The following EFCC1 variants were observed in gnomAD, a reference collection of about 807,000 sequenced individuals.
EFCC1 encodes the protein EF-hand and coiled-coil domain-containing protein 1.
Under a neutral mutation model 52.1 loss-of-function variants are expected in EFCC1, and 50 were observed. That is an observed-to-expected ratio of 0.96 (90% confidence interval 0.76 to 1.21). The LOEUF (loss-of-function observed/expected upper bound fraction) is 1.21. Ranked by LOEUF, EFCC1 falls within the 50% of genes most tolerant of loss-of-function variation. EFCC1 has a pLI of 0.00. For missense variants in EFCC1, 837 were observed against 867.3 expected, an observed-to-expected ratio of 0.97 and a Z score of 0.44; for synonymous variants, 399 against 396.5, an observed-to-expected ratio of 1.01 and a Z score of -0.08.
chr3:129,029,790 G>A (rs1176016290), intron 2 of EFCC1, among the ~76,000 whole-genome samples: 2 of 151,268 alleles, frequency 1.3e-5, no homozygotes, highest in Non-Finnish European at 2.9e-5. Context: ...TCACCATGTT[G>A]GCCAGGCTGG....
chr3:129,016,181 C>G (rs1478644119), intron 2 of EFCC1, among the ~76,000 whole-genome samples: 1 of 152,278 alleles, frequency 6.6e-6, no homozygotes, highest in East Asian at 1.9e-4. Context: ...GCAAGTTAAC[C>G]GGTCAAACAC....
chr3:129,023,701 TATA>T (rs1945970938), intron 2 of EFCC1, among the ~76,000 whole-genome samples: 1 of 152,206 alleles, frequency 6.6e-6, no homozygotes, highest in African/African-American at 2.4e-5. Context: ...CATTATTGGT[TATA>T]ATATTTACCA....
At chr3:129,034,964 G>A (rs1946337449) in intron 5 of EFCC1, among the ~76,000 whole-genome samples, 1 of 151,962 alleles carries the variant, frequency 6.6e-6, no homozygotes, top group African/African-American at 2.4e-5. Context: ...GAGGGAAAGG[G>A]GGGCCGAGCA....
chr3:129,001,741 A>C lies in EFCC1; in HGVS notation c.113A>C (p.Tyr38Ser). The C allele has an allele frequency of 6.5e-7, 1 of 1,536,834 alleles. No individual in the cohort carries two copies. The highest frequency in any genetic ancestry group is 8.7e-7 in the Non-Finnish European group (1 of 1,143,534). The change falls in exon 1 of 8, where the codon TAC becomes TCC. Residue 38 changes from tyrosine to serine, a missense_variant. Transcript: ENST00000683648. ...CTGCTGAGCGCCCTGGCGCACCACT[A>C]CGGGCTGGACCGCGGCGTGGAGAAC... ...QWLLSALAHH[Y>S]GLDRGVENEI...
Position 129,032,969 on chromosome 3 carries a change from G to GC in EFCC1, c.1286+3_1286+4insC. On this transcript the variant is annotated splice_donor_region_variant and intron_variant, in intron 4 of 7. Transcript: ENST00000683648. ...CGGCTCTCCAGCTGCAGAGGCAGGT[G>GC]TGTGGCCCGTCCAGCGTCAGCCACT... The GC allele has an allele frequency of 6.5e-7, 1 of 1,535,086 alleles. No individual in the cohort carries two copies. The highest frequency in any genetic ancestry group is 8.8e-7 in the Non-Finnish European group (1 of 1,137,870).
At chr3:129,035,855 C>T (rs577218551) in intron 5 of EFCC1, among the ~76,000 whole-genome samples, 1 of 152,328 alleles carries the variant, frequency 6.6e-6, no homozygotes, top group Non-Finnish European at 1.5e-5. Flanking sequence ...TTCTGTGCCT[C>T]GGTTTCCTCA....
At chr3:129,012,724 G>T (rs2107884891) in intron 2 of EFCC1, among the ~76,000 whole-genome samples, 1 of 152,310 alleles carries the variant, frequency 6.6e-6, no homozygotes, top group Admixed American at 6.5e-5. Flanking sequence ...CCAAAACGAA[G>T]GTTGGTGCTG....
chr3:129,036,363 A>G (rs1217427380), intron 5 of EFCC1, among the ~76,000 whole-genome samples: 18 of 152,228 alleles, frequency 1.2e-4, no homozygotes, highest in Admixed American at 1.2e-3. Flanking sequence ...TGCCAGGGGA[A>G]GGGAATGCCT....
At chr3:129,002,451 C>T in intron 1 of EFCC1, 127 bp downstream of exon 1, 2 of 1,389,580 alleles carry the variant, frequency 1.4e-6, no homozygotes, top group Non-Finnish European at 1.9e-6. Flanking sequence ...CCCACACCAT[C>T]CCACTCCGCA....
At chr3:129,013,392 A>G (rs1012413190) in intron 2 of EFCC1, among the ~76,000 whole-genome samples, 3 of 152,180 alleles carry the variant, frequency 2.0e-5, no homozygotes, top group Non-Finnish European at 4.4e-5. Flanking sequence ...TTTATCAACT[A>G]AAAATCTCAA....
At position 129,024,525 on chromosome 3, in the gene EFCC1, C is replaced by T. The variant is rs1485114965; in HGVS notation, c.981-6178C>T. 1.5e-4 allele frequency among the ~76,000 whole-genome samples: 23 copies of T among 148,498 alleles called. 1 individual carries two copies. The highest frequency in any genetic ancestry group is 5.0e-4 in the African/African-American group (20 of 40,172). ...CAGCCTGGGTGACAGAGCAAGACTC[C>T]GTCGCAAAAAAAAAGAAAAAAAAAA... On this transcript the variant is annotated intron_variant, in intron 2 of 7. Transcript: ENST00000683648.
Position 129,001,748 on chromosome 3 carries a change from G to A in EFCC1, c.120G>A (p.Leu40=), listed in dbSNP as rs1576683268. 9.1e-6 allele frequency: 14 copies of A among 1,541,020 alleles called. No homozygotes were observed. Among genetic ancestry groups the A allele is most frequent in the Non-Finnish European group, 1.0e-5 (12 of 1,145,048 alleles). Residue 40 remains leucine (L), a synonymous_variant, in exon 1 of 8, where the codon CTG becomes CTA. Coordinates refer to ENST00000683648, the MANE Select transcript of EFCC1 (RefSeq NM_001377500.1). ...GCGCCCTGGCGCACCACTACGGGCT[G>A]GACCGCGGCGTGGAGAACGAGATCG... ...LLSALAHHYG[L]DRGVENEIVV...
chr3:129,037,300 G>C (rs1036126185), intron 6 of EFCC1, among the ~76,000 whole-genome samples, 183 bp downstream of exon 6: 5 of 152,212 alleles, frequency 3.3e-5, no homozygotes, highest in Non-Finnish European at 7.3e-5. Context: ...GGGCTCCCCA[G>C]GTCATTTTAA....
At chr3:129,028,647 T>C (rs1559973001) in intron 2 of EFCC1, among the ~76,000 whole-genome samples, 1 of 144,568 alleles carries the variant, frequency 6.9e-6, no homozygotes, top group Non-Finnish European at 1.5e-5. Context: ...TTTTCTTTTT[T>C]TTTTCTTTTC....
At position 129,036,919 on chromosome 3, in the gene EFCC1, C is replaced by G. The variant is rs558262477; in HGVS notation, c.1453-58C>G. 7.5e-5 allele frequency: 120 copies of G among 1,610,564 alleles called. No individual in the cohort carries two copies. The Middle Eastern group carries it at 1.2e-3, about 16-fold the overall frequency. On this transcript the variant is annotated intron_variant, in intron 5 of 7. Coordinates refer to ENST00000683648, the MANE Select transcript of EFCC1 (RefSeq NM_001377500.1). ...CGGGGAGATGGAGTAGTTGATCCTGCCACCTGGAAGGCTGGGAGAGGCCAG... is the reference window on the plus strand; with the variant it reads ...CGGGGAGATGGAGTAGTTGATCCTGGCACCTGGAAGGCTGGGAGAGGCCAG...
At chr3:129,029,160 T>C (rs1946215512) in intron 2 of EFCC1, among the ~76,000 whole-genome samples, 1 of 152,178 alleles carries the variant, frequency 6.6e-6, no homozygotes, top group South Asian at 2.1e-4. Flanking sequence ...TGCTTCATAT[T>C]GGGTTCTATC....
At position 129,032,945 on chromosome 3, in the gene EFCC1, G is replaced by A. The variant is rs879753436; in HGVS notation, c.1265G>A (p.Arg422Gln). 1.1e-5 allele frequency: 17 copies of A among 1,546,064 alleles called. No homozygotes were observed. The highest frequency in any genetic ancestry group is 4.9e-5 in the East Asian group (2 of 40,800). ...PAAEAKTLLA[R>Q]LSSCRGRCDD... ...GCCGAGGCCAAGACACTGCTGGCCC[G>A]GCTCTCCAGCTGCAGAGGCAGGTGT... Residue 422 changes from arginine to glutamine, a missense_variant, in exon 4 of 8, where the codon CGG becomes CAG. Transcript: ENST00000683648.
Position 129,002,316 on chromosome 3 carries a change from G to A in EFCC1, c.688G>A (p.Ala230Thr). 1 of 1,522,144 alleles carries A rather than the reference G, an allele frequency of 6.6e-7. No individual in the cohort carries two copies. Among genetic ancestry groups the A allele is most frequent in the Non-Finnish European group, 8.8e-7 (1 of 1,141,892 alleles). 94.3% of individuals were successfully genotyped at this position (1,522,144 alleles called of 1,614,324 possible). ...ALQSSDARCL[A>T]LQVGLWKSQA... Reference sequence around the variant, plus strand: ...GCAGAGCAGTGATGCGCGCTGCCTAGCACTGCAGGTGCGCGCCGGCCACGA... The same window carrying A: ...GCAGAGCAGTGATGCGCGCTGCCTAACACTGCAGGTGCGCGCCGGCCACGA... Residue 230 changes from alanine to threonine, a missense_variant, in exon 1 of 8, where the codon GCA becomes ACA. Ala to Thr is a moderately conservative substitution (Grantham distance 58). Transcript: ENST00000683648.
In EFCC1 at chr3:129,002,198, C is replaced by T. The variant is rs1303966467; in HGVS notation, c.570C>T (p.Gly190=). The T allele has an allele frequency of 1.3e-6, 2 of 1,509,964 alleles. No homozygotes were observed. The highest frequency in any genetic ancestry group is 2.7e-5 in the East Asian group (1 of 37,278). The allele number at this position is 1,509,964 out of a possible 1,614,324, so 93.5% of individuals were successfully genotyped here. Residue 190 remains glycine, a synonymous_variant, in exon 1 of 8, where the codon GGC becomes GGT. Transcript: ENST00000683648. ...GCCGCCGCCCGCCCTGCGCGCCTGG[C>T]CCCGACAGCGGTCCTGACTGTGAGC... ...RRRRRPPCAP[G]PDSGPDCERV...
Sources: gnomAD v4.1 joint callset for allele counts (sites outside exome capture counted in the v4.1 genomes callset) on GRCh38, gnomAD v4.1.1 for gene constraint, MANE v1.5 for transcripts, NCBI Gene and HGNC (gene_info 2026-07-23, HGNC 2026-07-21) for gene names.